Variants in CALN1 observed in about 807,000 individuals in gnomAD.
CALN1 encodes the protein calcium-binding protein 8.
A neutral mutation model predicts 30.6 loss-of-function variants in CALN1; 17 were observed. The observed-to-expected ratio is 0.56, with a 90% CI of 0.38 to 0.83. The LOEUF (loss-of-function observed/expected upper bound fraction) is 0.83, where lower values mean the gene tolerates loss of function less well. CALN1 is among the 40% of genes least tolerant of loss of function. CALN1 has a pLI of 0.00. For missense variants in CALN1, 291 were observed against 354.9 expected, an observed-to-expected ratio of 0.82 and a Z score of 1.45; for synonymous variants, 156 against 131.4, an observed-to-expected ratio of 1.19 and a Z score of -1.28.
chr7:71,974,204 G>A (rs570571808), intron 5 of CALN1, among the ~76,000 whole-genome samples: 1 of 152,184 alleles, frequency 6.6e-6, no homozygotes, highest in African/African-American at 2.4e-5. Flanking sequence ...GATCACCTGA[G>A]GTCAGGAGTT....
At chr7:72,391,745 C>T (rs1258995261) in intron 2 of CALN1, among the ~76,000 whole-genome samples, 1 of 152,166 alleles carries the variant, frequency 6.6e-6, no homozygotes, top group African/African-American at 2.4e-5. Flanking sequence ...TTGCCTGCCA[C>T]CATGTAAGAC....
intron 2 of CALN1, among the ~76,000 whole-genome samples, chr7:72,331,225 C>A (rs1321611086): frequency 6.6e-6 from 1 of 152,056 alleles, no homozygotes; most frequent in Non-Finnish European, 1.5e-5. Flanking sequence ...TGGCGGGAGC[C>A]CATAATCCCA....
At chr7:72,124,498 G>A (rs960688912) in intron 3 of CALN1, among the ~76,000 whole-genome samples, 6 of 151,928 alleles carry the variant, frequency 3.9e-5, no homozygotes, top group African/African-American at 1.5e-4. Context: ...AAAATTAACT[G>A]GGCATACACC....
intron 5 of CALN1, among the ~76,000 whole-genome samples, chr7:71,992,675 C>T (rs578184388): frequency 2.6e-5 from 4 of 152,308 alleles, no homozygotes; most frequent in African/African-American, 9.6e-5. Context: ...TAACTTTTAA[C>T]TTGAGAGCAC....
chr7:72,126,075 AG>A (rs1460029782), intron 3 of CALN1, among the ~76,000 whole-genome samples: 1 of 152,154 alleles, frequency 6.6e-6, no homozygotes, highest in Non-Finnish European at 1.5e-5. Context: ...CTGGGATTAC[AG>A]GCGTGAGCCA....
chr7:72,187,225 T>C (rs1379083514), intron 3 of CALN1, among the ~76,000 whole-genome samples: 1 of 152,214 alleles, frequency 6.6e-6, no homozygotes, highest in Non-Finnish European at 1.5e-5. Context: ...GGGTGTCTTG[T>C]CTGACACATT....
At chr7:72,408,675 C>CTTTT (rs534883618) in intron 1 of CALN1, among the ~76,000 whole-genome samples, 1,531 of 77,844 alleles carry the variant, frequency 0.02, 171 homozygotes, top group African/African-American at 0.067. Context: ...TTATCTTTTC[C>CTTTT]TTTTTTTTTT....
At chr7:71,801,376 TTATG>T (rs575924113) in intron 6 of CALN1, among the ~76,000 whole-genome samples, 8,169 of 121,214 alleles carry the variant, frequency 0.067, 423 homozygotes, top group East Asian at 0.11. Context: ...CCATGCCTGG[TTATG>T]TATGTATGTA....
intron 2 of CALN1, among the ~76,000 whole-genome samples, chr7:72,371,349 C>G (rs534942689): frequency 6.6e-6 from 1 of 152,222 alleles, no homozygotes; most frequent in East Asian, 1.9e-4. Flanking sequence ...ATTGTAGTGC[C>G]CTTAATCCCC....
intron 4 of CALN1, among the ~76,000 whole-genome samples, chr7:72,053,807 G>A (rs1802996872): frequency 8.0e-6 from 1 of 125,680 alleles, no homozygotes; most frequent in Admixed American, 8.7e-5. Flanking sequence ...CTTCCCCCCA[G>A]GTCCCCAAAG....
intron 4 of CALN1, among the ~76,000 whole-genome samples, chr7:72,049,709 C>T (rs564276324): frequency 1.1e-4 from 16 of 151,910 alleles, no homozygotes; most frequent in African/African-American, 3.1e-4. Context: ...GGTTTCACCA[C>T]GCTGGTCAGG....
intron 2 of CALN1, among the ~76,000 whole-genome samples, chr7:72,382,661 A>G (rs189603492): frequency 2.0e-5 from 3 of 152,138 alleles, no homozygotes; most frequent in Non-Finnish European, 2.9e-5. Context: ...TTCGGTCTTT[A>G]TGTACACATG....
intron 2 of CALN1, among the ~76,000 whole-genome samples, chr7:72,298,582 G>T (rs1035186523): frequency 5.3e-5 from 8 of 152,116 alleles, no homozygotes; most frequent in African/African-American, 1.7e-4. Flanking sequence ...CTTGGTAGAC[G>T]TTCTGTAAAG....
intron 3 of CALN1, among the ~76,000 whole-genome samples, chr7:72,159,858 C>T (rs899290608): frequency 2.0e-5 from 3 of 152,088 alleles, no homozygotes; most frequent in Non-Finnish European, 4.4e-5. Flanking sequence ...GAAGAATTGA[C>T]AGAGCTGAGT....
At chr7:72,341,826 G>A (rs73362941) in intron 2 of CALN1, among the ~76,000 whole-genome samples, 1 of 152,172 alleles carries the variant, frequency 6.6e-6, no homozygotes, top group Non-Finnish European at 1.5e-5. Flanking sequence ...TCCAGGCATA[G>A]AGTAAGCTTT....
intron 3 of CALN1, among the ~76,000 whole-genome samples, chr7:72,182,259 T>C (rs1238569401): frequency 2.0e-5 from 3 of 151,822 alleles, no homozygotes; most frequent in African/African-American, 7.3e-5. Flanking sequence ...ATTGATCAAG[T>C]GTGTCATGCT....
chr7:72,316,646 A>T (rs936402349), intron 2 of CALN1, among the ~76,000 whole-genome samples: 2 of 152,140 alleles, frequency 1.3e-5, no homozygotes, highest in African/African-American at 4.8e-5. Flanking sequence ...ACTTAAAAGA[A>T]TATTTTAGGC....
At chr7:72,125,789 C>T (rs1808710011) in intron 3 of CALN1, among the ~76,000 whole-genome samples, 1 of 138,284 alleles carries the variant, frequency 7.2e-6, no homozygotes, top group Non-Finnish European at 1.5e-5. Context: ...CCCAAGTCCA[C>T]TGTATCATTC....
intron 5 of CALN1, among the ~76,000 whole-genome samples, chr7:72,020,858 G>T (rs1243828758): frequency 6.6e-6 from 1 of 152,176 alleles, no homozygotes; most frequent in Non-Finnish European, 1.5e-5. Context: ...TAGGAGTGTA[G>T]ATTAAGTAGC....
Sources: gnomAD v4.1 joint callset for allele counts (sites outside exome capture counted in the v4.1 genomes callset) on GRCh38, gnomAD v4.1.1 for gene constraint, MANE v1.5 for transcripts, NCBI Gene and HGNC (gene_info 2026-07-23, HGNC 2026-07-21) for gene names.